The following DGKG variants were observed in gnomAD, a reference collection of about 807,000 sequenced individuals.
DGKG encodes the protein diacylglycerol kinase gamma.
In DGKG, 78 loss-of-function variants were observed where a neutral mutation model predicts 105.3. That is an observed-to-expected ratio of 0.74 (90% CI 0.62 to 0.89). The LOEUF is 0.89. Ranked by LOEUF, DGKG falls within the 40% of genes least tolerant of loss-of-function variation. The pLI, the probability that DGKG is intolerant of heterozygous loss-of-function variation, is 0.00. For synonymous variants in DGKG, 346 were observed against 367.1 expected, an observed-to-expected ratio of 0.94 and a Z score of 0.66; for missense variants, 958 against 1,020.1, an observed-to-expected ratio of 0.94 and a Z score of 0.83.
At position 186,343,644 on chromosome 3, in the gene DGKG, G is replaced by T. The variant is rs544581735; in HGVS notation, c.-249+18302C>A. Among the ~76,000 whole-genome samples the T allele has an allele frequency of 2.6e-5, 4 of 152,054 alleles. No homozygotes were observed. In the East Asian group the frequency reaches 7.7e-4, roughly 29 times the overall value. On this transcript the variant is annotated intron_variant, in intron 1 of 24. Transcript: ENST00000265022. ...ATATATTCCACAAACTATCAACAGC[G>T]TGAGCATGATACTAGTCTTAGCTAA...
intron 5 of DGKG, 128 bp from the exon 6 acceptor site, chr3:186,289,008 T>C: frequency 1.1e-6 from 1 of 916,490 alleles, no homozygotes; most frequent in South Asian, 1.8e-5. Context: ...AAGCTTTGGT[T>C]ACATAGATGT....
chr3:186,261,468 C>G (rs1015584741), intron 15 of DGKG, among the ~76,000 whole-genome samples: 1 of 152,136 alleles, frequency 6.6e-6, no homozygotes, highest in African/African-American at 2.4e-5. Context: ...GGCTAAGCAC[C>G]GTGTCTGTTC....
chr3:186,188,180 A>T, intron 22 of DGKG, 22 bp downstream of exon 22: 1 of 1,613,706 alleles, frequency 6.2e-7, no homozygotes, highest in Non-Finnish European at 8.5e-7. Context: ...ACCTAAAACA[A>T]TTATCCTCAT....
At chr3:186,259,733 G>A (rs1020360060) in intron 16 of DGKG, among the ~76,000 whole-genome samples, 21 of 152,094 alleles carry the variant, frequency 1.4e-4, no homozygotes, top group Middle Eastern at 6.8e-3. Context: ...GCACCGGCCC[G>A]GACTGGGAGG....
At chr3:186,253,645 C>T (rs961149775) in intron 17 of DGKG, among the ~76,000 whole-genome samples, 7 of 152,162 alleles carry the variant, frequency 4.6e-5, no homozygotes, top group African/African-American at 1.4e-4. Flanking sequence ...ACCCTGAACA[C>T]GCTCAATCTC....
intron 1 of DGKG, among the ~76,000 whole-genome samples, chr3:186,344,255 A>T (rs1421111216): frequency 3.3e-5 from 5 of 152,216 alleles, no homozygotes; most frequent in Non-Finnish European, 5.9e-5. Flanking sequence ...AGAGGAATAG[A>T]ATTCATTTGA....
rs191409929 is a variant in DGKG, at chr3:186,356,296, C to T, written c.-249+5650G>A. 1.8e-3 allele frequency among the ~76,000 whole-genome samples: 278 copies of T among 152,208 alleles called. 1 individual carries two copies. Among genetic ancestry groups the T allele is most frequent in the Middle Eastern group, 3.4e-3 (1 of 294 alleles). ...GATGGCAGGAAGCTGGCTGAGAGGG[C>T]CGGTAAATACACTGGATGCTAGAAT... is the stretch of plus-strand genomic sequence containing the variant. On this transcript the variant is annotated intron_variant, in intron 1 of 24. Coordinates refer to ENST00000265022, the MANE Select transcript of DGKG (RefSeq NM_001346.3).
chr3:186,315,488 C>G (rs572791253), intron 2 of DGKG, among the ~76,000 whole-genome samples: 1 of 152,244 alleles, frequency 6.6e-6, no homozygotes, highest in East Asian at 1.9e-4. Context: ...TTGTCCATGT[C>G]CATCGTAAAC....
At chr3:186,245,844 G>A (rs745993346) in intron 19 of DGKG, among the ~76,000 whole-genome samples, 9 of 151,776 alleles carry the variant, frequency 5.9e-5, no homozygotes, top group East Asian at 1.9e-4. Flanking sequence ...TACAGAGTAA[G>A]CTACACATGT....
chr3:186,153,344 T>C (rs548268746), intron 24 of DGKG, among the ~76,000 whole-genome samples: 1 of 152,300 alleles, frequency 6.6e-6, no homozygotes, highest in Admixed American at 6.5e-5. Context: ...TTTCAAACCC[T>C]GATAGAAAGA....
At chr3:186,279,379 C>A (rs1258974030) in intron 9 of DGKG, 2 of 152,696 alleles carry the variant, frequency 1.3e-5, no homozygotes, top group Non-Finnish European at 2.9e-5. Context: ...AAAATATTTA[C>A]CTTATCTGGT....
intron 9 of DGKG, chr3:186,279,422 G>A (rs1248355373): frequency 6.5e-6 from 1 of 153,246 alleles, no homozygotes; most frequent in Non-Finnish European, 1.5e-5. Flanking sequence ...ACCACTAATG[G>A]AAGCCACCCC....
intron 21 of DGKG, among the ~76,000 whole-genome samples, chr3:186,209,523 G>A (rs547432946): frequency 1.9e-3 from 290 of 152,232 alleles, no homozygotes; most frequent in African/African-American, 6.1e-3. Flanking sequence ...CTATGGTGGG[G>A]AACTGAAGAT....
In DGKG at chr3:186,261,766, G is replaced by C; in HGVS notation, c.1282C>G (p.Pro428Ala). The change falls in exon 15 of 25, where the codon CCC becomes GCC. Residue 428 changes from proline (P) to alanine (A), a missense_variant. Physicochemically the swap from Pro to Ala is conservative, Grantham distance 27. Around this residue, in one of 2 missense-constraint regions of DGKG, gnomAD observed 643 missense variants for 619.5 expected, o/e 1.04. Coordinates refer to ENST00000265022, the MANE Select transcript of DGKG (RefSeq NM_001346.3). Reference sequence around the variant, plus strand: ...AGCAGGGGGTGGGTACCCGGGGTGGGGATGATCTTATACTTGAAAGGTAAA... The same window carrying C: ...AGCAGGGGGTGGGTACCCGGGGTGGCGATGATCTTATACTTGAAAGGTAAA... ...GELVMQYKII[P>A]TPGTHPLLVL... The C allele has an allele frequency of 2.5e-6, 4 of 1,602,382 alleles. No individual in the cohort carries two copies. The South Asian group carries it at 4.5e-5, about 18-fold the overall frequency.
intron 22 of DGKG, among the ~76,000 whole-genome samples, chr3:186,183,249 G>A (rs1037725468): frequency 1.3e-5 from 2 of 152,128 alleles, no homozygotes; most frequent in African/African-American, 2.4e-5. Flanking sequence ...ACCACTGGAC[G>A]TAAATTATAT....
rs1175971356 is a variant in DGKG at position 186,275,015 on chromosome 3, G to C, written c.910+532C>G. Among the ~76,000 whole-genome samples the C allele has an allele frequency of 2.0e-5, 3 of 152,208 alleles. No individual in the cohort carries two copies. The East Asian group carries it at 5.8e-4, about 29-fold the overall frequency. Reference sequence around the variant, plus strand: ...TTACAGTCCCACCAACAGTGTAAAAGTGTTCCTATTTCTCCACATCCTTTC... The same window carrying C: ...TTACAGTCCCACCAACAGTGTAAAACTGTTCCTATTTCTCCACATCCTTTC... On this transcript the variant is annotated intron_variant, in intron 10 of 24. Transcript: ENST00000265022.
chr3:186,236,923 C>A (rs1397613204), intron 20 of DGKG, among the ~76,000 whole-genome samples: 10 of 152,344 alleles, frequency 6.6e-5, no homozygotes, highest in African/African-American at 2.2e-4. Flanking sequence ...GAAAACATTC[C>A]ACAGTTAGAC....
chr3:186,346,050 G>A (rs537036703), intron 1 of DGKG, among the ~76,000 whole-genome samples: 14 of 152,332 alleles, frequency 9.2e-5, no homozygotes, highest in African/African-American at 2.6e-4. Flanking sequence ...TACAGGCTGA[G>A]CCACTGCCCC....
At chr3:186,194,658 C>T (rs774891676) in intron 21 of DGKG, among the ~76,000 whole-genome samples, 4 of 152,110 alleles carry the variant, frequency 2.6e-5, no homozygotes, top group Non-Finnish European at 5.9e-5. Context: ...TGACCTCCAC[C>T]AGGCCAGATC....
Sources: allele counts gnomAD v4.1 joint callset (sites outside exome capture counted in the v4.1 genomes callset), GRCh38; gene constraint gnomAD v4.1.1; regional missense constraint gnomAD v4.1.1; transcripts MANE v1.5; gene names NCBI Gene and HGNC (gene_info 2026-07-23, HGNC 2026-07-21).